SLC24A3: variants seen among roughly 807,000 people sequenced by gnomAD.
SLC24A3 encodes sodium/potassium/calcium exchanger 3.
A neutral mutation model predicts 75.8 loss-of-function variants in SLC24A3; 28 were observed. That is an observed-to-expected ratio of 0.37 (90% CI 0.27 to 0.51). SLC24A3 has a LOEUF of 0.51. Among genes scored for constraint, SLC24A3 ranks in the 20% least tolerant of loss-of-function variants. The pLI is 0.94. For synonymous variants in SLC24A3, 372 were observed against 334.1 expected, an observed-to-expected ratio of 1.11 and a Z score of -1.24; for missense variants, 663 against 847.8, an observed-to-expected ratio of 0.78 and a Z score of 2.71.
rs555479574 is a variant in SLC24A3 at position 19,422,644 on chromosome 20, A to G, written c.272-92844A>G. ...TCTGTTCCTTCCGCAGAGTGAGGTA[A>G]GTAATTGGTCTGCAGTGAGTCCTGG... is the stretch of plus-strand genomic sequence containing the variant. On this transcript the variant is annotated intron_variant, in intron 2 of 16. Coordinates refer to ENST00000328041, the MANE Select transcript of SLC24A3 (RefSeq NM_020689.4). 4.4e-4 allele frequency among the ~76,000 whole-genome samples: 67 copies of G among 152,336 alleles called. No homozygotes were observed. The South Asian group carries it at 7.9e-3, about 18-fold the overall frequency.
chr20:19,636,329 G>A (rs911097532), intron 6 of SLC24A3, among the ~76,000 whole-genome samples: 13 of 152,118 alleles, frequency 8.5e-5, no homozygotes, highest in African/African-American at 3.1e-4. Flanking sequence ...TGCCATATTT[G>A]AAAACATCCA....
At chr20:19,378,815 G>T (rs2122368603) in intron 2 of SLC24A3, among the ~76,000 whole-genome samples, 1 of 151,814 alleles carries the variant, frequency 6.6e-6, no homozygotes, top group Middle Eastern at 3.4e-3. Context: ...TTGGGGAAAA[G>T]CAATCAATAG....
intron 6 of SLC24A3, among the ~76,000 whole-genome samples, chr20:19,645,532 TG>T (rs1284921798): frequency 2.0e-5 from 3 of 151,942 alleles, no homozygotes; most frequent in African/African-American, 7.3e-5. Flanking sequence ...AATGAAGAGG[TG>T]GGCGATCCAT....
chr20:19,570,190 C>G (rs977477075), intron 3 of SLC24A3, among the ~76,000 whole-genome samples: 1 of 151,988 alleles, frequency 6.6e-6, no homozygotes, highest in Non-Finnish European at 1.5e-5. Flanking sequence ...CTTCACATGG[C>G]CAGGAGGAGA....
At chr20:19,582,540 A>G (rs984433130) in intron 4 of SLC24A3, among the ~76,000 whole-genome samples, 1 of 152,232 alleles carries the variant, frequency 6.6e-6, no homozygotes, top group African/African-American at 2.4e-5. Context: ...AGATAAAGGC[A>G]ATGATCCAGG....
chr20:19,581,918 ATTT>A (rs1465650215), intron 4 of SLC24A3, among the ~76,000 whole-genome samples: 1 of 152,116 alleles, frequency 6.6e-6, no homozygotes. Context: ...GAGCAACCAC[ATTT>A]TCCTGGGCTC....
At chr20:19,552,380 G>A (rs1487004777) in intron 3 of SLC24A3, among the ~76,000 whole-genome samples, 1 of 152,194 alleles carries the variant, frequency 6.6e-6, no homozygotes, top group East Asian at 1.9e-4. Context: ...GCAACTAGGG[G>A]AGAGACCAGC....
intron 9 of SLC24A3, among the ~76,000 whole-genome samples, chr20:19,679,628 T>C (rs1026807524): frequency 1.3e-5 from 2 of 151,904 alleles, no homozygotes. Context: ...CTTTTAGGAT[T>C]CTAAAAGGAC....
intron 6 of SLC24A3, among the ~76,000 whole-genome samples, chr20:19,585,927 T>G (rs1045352618): frequency 6.6e-6 from 1 of 152,212 alleles, no homozygotes; most frequent in Non-Finnish European, 1.5e-5. Flanking sequence ...GAGAATCTGC[T>G]AAACACAATG....
chr20:19,248,993 G>C (rs1982574165), intron 1 of SLC24A3, among the ~76,000 whole-genome samples: 1 of 151,366 alleles, frequency 6.6e-6, no homozygotes, highest in South Asian at 2.1e-4. Flanking sequence ...GGAGTGGAAG[G>C]AATGGGCAGA....
intron 3 of SLC24A3, among the ~76,000 whole-genome samples, chr20:19,538,090 C>T (rs2030433136): frequency 6.6e-6 from 1 of 152,066 alleles, no homozygotes. Flanking sequence ...TAGTATCTGT[C>T]CAAGATACAG....
At chr20:19,720,938 C>A (rs536102107) in intron 16 of SLC24A3, 53 bp from the exon 17 acceptor site, 7 of 1,602,720 alleles carry the variant, frequency 4.4e-6, no homozygotes, top group Non-Finnish European at 6.0e-6. Flanking sequence ...ACCAACCCCC[C>A]AAAGGCTGCT....
chr20:19,425,302 C>A (rs561973340), intron 2 of SLC24A3, among the ~76,000 whole-genome samples: 13 of 147,444 alleles, frequency 8.8e-5, no homozygotes, highest in South Asian at 2.1e-4. Flanking sequence ...GACTCCGTCT[C>A]AAAAAAAAAA....
At chr20:19,370,062 A>T (rs1293853513) in intron 2 of SLC24A3, among the ~76,000 whole-genome samples, 2 of 152,196 alleles carry the variant, frequency 1.3e-5, no homozygotes, top group African/African-American at 4.8e-5. Flanking sequence ...GCTTTTTCCC[A>T]TGTATAAATT....
chr20:19,708,542 A>T (rs2032953673), intron 15 of SLC24A3, among the ~76,000 whole-genome samples: 1 of 152,202 alleles, frequency 6.6e-6, no homozygotes, highest in Non-Finnish European at 1.5e-5. Flanking sequence ...GAGCCAACTC[A>T]TATAGCCTCC....
At chr20:19,336,995 T>C (rs1248884595) in intron 2 of SLC24A3, among the ~76,000 whole-genome samples, 1 of 152,146 alleles carries the variant, frequency 6.6e-6, no homozygotes, top group African/African-American at 2.4e-5. Context: ...AAGTTGCCCT[T>C]GGGTTCATGT....
At chr20:19,223,870 G>A (rs552738635) in intron 1 of SLC24A3, among the ~76,000 whole-genome samples, 1 of 152,338 alleles carries the variant, frequency 6.6e-6, no homozygotes, top group East Asian at 1.9e-4. Flanking sequence ...TGGCTACTGA[G>A]TGACTAAGTG....
chr20:19,231,147 C>T (rs148881164), intron 1 of SLC24A3, among the ~76,000 whole-genome samples: 161 of 152,316 alleles, frequency 1.1e-3, no homozygotes, highest in African/African-American at 3.5e-3. Flanking sequence ...CAGTTTTGAA[C>T]TTATACTTTC....
intron 15 of SLC24A3, among the ~76,000 whole-genome samples, chr20:19,699,292 C>T (rs1023317646): frequency 6.6e-6 from 1 of 152,332 alleles, no homozygotes; most frequent in Admixed American, 6.5e-5. Flanking sequence ...TCCAGGCTGG[C>T]CACTGAAAGG....
Sources: gnomAD v4.1 joint callset for allele counts (sites outside exome capture counted in the v4.1 genomes callset) on GRCh38, gnomAD v4.1.1 for gene constraint, MANE v1.5 for transcripts, NCBI Gene and HGNC (gene_info 2026-07-23, HGNC 2026-07-21) for gene names.